FBXL17: variants seen among roughly 807,000 people sequenced by gnomAD.
FBXL17 encodes the protein F-box/LRR-repeat protein 17.
In FBXL17, 22 loss-of-function variants were observed where a neutral mutation model predicts 66.2. The observed-to-expected ratio is 0.33, with a 90% CI of 0.24 to 0.47. The LOEUF is 0.47. Ranked by LOEUF, FBXL17 falls within the 20% of genes least tolerant of loss-of-function variation. The pLI is 1.00. For synonymous variants in FBXL17, 474 were observed against 400.5 expected (o/e 1.18, Z -2.19); for missense variants, 878 against 948.2 (o/e 0.93, Z 0.97).
At chr5:108,266,866 A>G (rs1757065834) in intron 4 of FBXL17, among the ~76,000 whole-genome samples, 1 of 152,132 alleles carries the variant, frequency 6.6e-6, no homozygotes, top group Non-Finnish European at 1.5e-5. Context: ...GATTGAGGGC[A>G]GTTGGGTTTA....
In FBXL17 at chr5:107,987,955, T is replaced by C. The variant is rs200604762; in HGVS notation, c.1822+32970A>G. ...ACGATTATTTTGTAAATCAGTTAGA[T>C]ATTACTGTCTAAATATTGGTTAAAA... On this transcript the variant is annotated intron_variant, in intron 7 of 8. Coordinates refer to ENST00000542267, the MANE Select transcript of FBXL17 (RefSeq NM_001163315.3). Among the ~76,000 whole-genome samples the C allele has an allele frequency of 2.0e-5, 3 of 152,182 alleles. No individual in the cohort carries two copies. The East Asian group carries it at 5.8e-4, about 29-fold the overall frequency.
chr5:108,061,574 T>C (rs1025593752), intron 6 of FBXL17, among the ~76,000 whole-genome samples: 2 of 152,140 alleles, frequency 1.3e-5, no homozygotes, highest in African/African-American at 2.4e-5. Context: ...TCAATATTTT[T>C]ATAATTTTGA....
intron 8 of FBXL17, among the ~76,000 whole-genome samples, chr5:107,870,145 C>T (rs1748398013): frequency 6.6e-6 from 1 of 152,106 alleles, no homozygotes. Context: ...AAACATAGAT[C>T]AGGTGAGAAC....
At chr5:108,011,833 C>G (rs1337501906) in intron 7 of FBXL17, among the ~76,000 whole-genome samples, 1 of 151,864 alleles carries the variant, frequency 6.6e-6, no homozygotes, top group Admixed American at 6.6e-5. Flanking sequence ...CAAAAACAAA[C>G]AAACAAAAAG....
At chr5:108,161,028 C>T (rs1752191033) in intron 6 of FBXL17, among the ~76,000 whole-genome samples, 1 of 152,136 alleles carries the variant, frequency 6.6e-6, no homozygotes, top group Admixed American at 6.6e-5. Context: ...TTGGGAAACA[C>T]TAGGTTCCTG....
intron 7 of FBXL17, among the ~76,000 whole-genome samples, chr5:107,898,700 T>TA (rs1212240891): frequency 4.6e-5 from 7 of 152,126 alleles, no homozygotes; most frequent in African/African-American, 1.7e-4. Flanking sequence ...AACTCCCACT[T>TA]ACGAGTGAGA....
At chr5:107,947,151 T>C (rs367976625) in intron 7 of FBXL17, among the ~76,000 whole-genome samples, 4 of 152,222 alleles carry the variant, frequency 2.6e-5, no homozygotes, top group African/African-American at 9.6e-5. Context: ...CAGAAAATGA[T>C]GGCTGACAGA....
At chr5:108,186,331 T>C in intron 5 of FBXL17, 84 bp from the exon 6 acceptor site, 1 of 1,144,196 alleles carries the variant, frequency 8.7e-7, no homozygotes, top group African/African-American at 1.5e-5. Context: ...TATTACAAGG[T>C]AGAGTATCAC....
chr5:108,184,908 CTT>C (rs751632416), intron 6 of FBXL17, among the ~76,000 whole-genome samples: 3 of 151,962 alleles, frequency 2.0e-5, no homozygotes, highest in Non-Finnish European at 2.9e-5. Context: ...TTTTTGGAAA[CTT>C]ATCTTTTAAA....
intron 5 of FBXL17, among the ~76,000 whole-genome samples, chr5:108,201,793 G>C (rs1260084136): frequency 1.4e-5 from 2 of 147,488 alleles, no homozygotes; most frequent in East Asian, 2.0e-4. Context: ...AGGGGAAGTA[G>C]AGTGACACTG....
At chr5:108,073,702 AG>A (rs1219614521) in intron 6 of FBXL17, among the ~76,000 whole-genome samples, 1 of 152,184 alleles carries the variant, frequency 6.6e-6, no homozygotes, top group Non-Finnish European at 1.5e-5. Context: ...GAAAGCACTC[AG>A]TGTCATATTT....
intron 7 of FBXL17, among the ~76,000 whole-genome samples, chr5:107,960,562 A>G (rs1298714290): frequency 3.3e-5 from 5 of 152,194 alleles, no homozygotes; most frequent in Admixed American, 2.6e-4. Context: ...TAGGAGTTCA[A>G]TATAGATTCT....
At chr5:107,961,253 C>A (rs1482729456) in intron 7 of FBXL17, among the ~76,000 whole-genome samples, 1 of 151,160 alleles carries the variant, frequency 6.6e-6, no homozygotes, top group Non-Finnish European at 1.5e-5. Flanking sequence ...GAGACAGGGT[C>A]TTGCTCTGTT....
chr5:108,136,054 G>C (rs911790923), intron 6 of FBXL17, among the ~76,000 whole-genome samples: 1 of 152,086 alleles, frequency 6.6e-6, no homozygotes, highest in Non-Finnish European at 1.5e-5. Context: ...TATTTTGGGG[G>C]AGAAACAACA....
chr5:107,880,068 GT>G (rs528902437), intron 8 of FBXL17: 19 of 295,670 alleles, frequency 6.4e-5, no homozygotes, highest in Non-Finnish European at 9.0e-5. Flanking sequence ...TCCAGTATAG[GT>G]TTTTTTTGTT....
chr5:107,997,125 C>T (rs1300195410), intron 7 of FBXL17, among the ~76,000 whole-genome samples: 1 of 152,156 alleles, frequency 6.6e-6, no homozygotes, highest in East Asian at 1.9e-4. Flanking sequence ...TCTAAGTAGG[C>T]AGTACATCGT....
intron 5 of FBXL17, among the ~76,000 whole-genome samples, chr5:108,207,867 T>G (rs1160526329): frequency 6.6e-6 from 1 of 152,188 alleles, no homozygotes; most frequent in East Asian, 1.9e-4. Context: ...CAAATGGTAT[T>G]TCTAGTTCTA....
intron 6 of FBXL17, among the ~76,000 whole-genome samples, chr5:108,064,739 A>G (rs2112850916): frequency 6.6e-6 from 1 of 152,334 alleles, no homozygotes; most frequent in East Asian, 1.9e-4. Flanking sequence ...AATTTATAGT[A>G]CAGAATTTGC....
chr5:108,127,888 A>C (rs1303879265), intron 6 of FBXL17, among the ~76,000 whole-genome samples: 1 of 152,194 alleles, frequency 6.6e-6, no homozygotes, highest in Non-Finnish European at 1.5e-5. Flanking sequence ...AGGATTTTCA[A>C]ATCAGAGTTG....
Sources: allele counts gnomAD v4.1 joint callset (sites outside exome capture counted in the v4.1 genomes callset), GRCh38; gene constraint gnomAD v4.1.1; transcripts MANE v1.5; gene names NCBI Gene and HGNC (gene_info 2026-07-23, HGNC 2026-07-21).